HTRA4: variants seen among roughly 807,000 people sequenced by gnomAD.
HTRA4 encodes serine protease HTRA4.
In HTRA4, 46 loss-of-function variants were observed where a neutral mutation model predicts 49.1. The ratio of observed to expected loss-of-function variants is 0.94; its 90% CI spans 0.74 to 1.20. HTRA4 has a LOEUF of 1.20. Among genes scored for constraint, HTRA4 ranks in the 50% most tolerant of loss-of-function variants. HTRA4 has a pLI of 0.00. For synonymous variants in HTRA4, 261 were observed against 264.0 expected (o/e 0.99, Z 0.11); for missense variants, 602 against 636.9 (o/e 0.95, Z 0.59).
At chr8:38,975,157 C>G in intron 2 of HTRA4, 27 bp downstream of exon 2, 1 of 1,603,690 alleles carries the variant, frequency 6.2e-7, no homozygotes. Context: ...AAGACCTCCA[C>G]TGTCCCAGCT....
Position 38,976,518 on chromosome 8 carries a change from T to C in HTRA4, c.567-17T>C. 1 of 1,612,884 alleles carries C rather than the reference T, an allele frequency of 6.2e-7. No homozygotes were observed. Among genetic ancestry groups the C allele is most frequent in the South Asian group, 1.1e-5 (1 of 91,020 alleles). On this transcript the variant is annotated splice_polypyrimidine_tract_variant and intron_variant, in intron 2 of 8. Transcript: ENST00000302495. ...ACTTTCTTGCCCTCTGTTTACACTA[T>C]TGTCTTGTGGAGACAGGTTACTTCA...
chr8:38,980,938 T>C (rs950004795), intron 5 of HTRA4, among the ~76,000 whole-genome samples: 3 of 152,134 alleles, frequency 2.0e-5, no homozygotes, highest in African/African-American at 4.8e-5. Flanking sequence ...ACCTTTTCCA[T>C]GTTTATTTTT....
At chr8:38,979,144 G>C in intron 4 of HTRA4, 71 bp from the exon 5 acceptor site, 1 of 1,371,710 alleles carries the variant, frequency 7.3e-7, no homozygotes, top group Non-Finnish European at 1.0e-6. Flanking sequence ...TGTTTTGGGA[G>C]CTATGTGTAA....
chr8:38,988,297 A>T lies in HTRA4; in HGVS notation c.*199A>T. ...TGGTACATATACACCATGGAATACTATGCAGCCATAAAAAGCAACAGTCCT... is the reference window on the plus strand; with the variant it reads ...TGGTACATATACACCATGGAATACTTTGCAGCCATAAAAAGCAACAGTCCT... On this transcript the variant is annotated 3_prime_UTR_variant, in exon 9 of 9. Transcript: ENST00000302495. 2 of 458,868 alleles carry T rather than the reference A, an allele frequency of 4.4e-6. No individual in the cohort carries two copies. The highest frequency in any genetic ancestry group is 7.6e-6 in the Non-Finnish European group (2 of 263,098). 28.4% of individuals were successfully genotyped at this position (458,868 alleles called of 1,614,324 possible). A position where few individuals can be genotyped will look rare whatever the true frequency, so the allele number is the denominator to read the frequency against.
rs1307760394 is a variant in HTRA4, at chr8:38,974,442, C to T, written c.179C>T (p.Thr60Met). The T allele has an allele frequency of 5.2e-6, 8 of 1,543,362 alleles. No individual in the cohort carries two copies. The highest frequency in any genetic ancestry group is 7.0e-6 in the Non-Finnish European group (8 of 1,148,560). ...CTGCCCACCTGCGCGCTGGGGACCACGCCGGTGTTCGACCTGTGCCGCTGT... is the reference window on the plus strand; with the variant it reads ...CTGCCCACCTGCGCGCTGGGGACCATGCCGGTGTTCGACCTGTGCCGCTGT... ...PALPTCALGT[T>M]PVFDLCRCCR... The change falls in exon 1 of 9, where the codon ACG (threonine) becomes ATG (methionine). Residue 60 changes from threonine to methionine, a missense_variant. By Grantham distance (81) the Thr-to-Met change is moderately conservative. Transcript: ENST00000302495.
intron 2 of HTRA4, among the ~76,000 whole-genome samples, chr8:38,975,667 C>A (rs1427584570): frequency 6.6e-6 from 1 of 152,190 alleles, no homozygotes; most frequent in East Asian, 1.9e-4. Context: ...CCTTAGCCTC[C>A]CGACGTGCTG....
intron 5 of HTRA4, 21 bp downstream of exon 5, chr8:38,979,268 T>C (rs1317953869): frequency 1.2e-6 from 2 of 1,606,472 alleles, no homozygotes; most frequent in Admixed American, 1.7e-5. Flanking sequence ...ACTTTCCTTG[T>C]TGCTTCATGT....
rs906208491 is a variant in HTRA4, at chr8:38,982,276, T to C, written c.1115-222T>C. Among the ~76,000 whole-genome samples the C allele has an allele frequency of 2.6e-5, 4 of 152,012 alleles. No individual in the cohort carries two copies. In the South Asian group the frequency reaches 8.3e-4, roughly 32 times the overall value. On this transcript the variant is annotated intron_variant, in intron 6 of 8. Transcript: ENST00000302495. ...AAGCATGAGTTGTACCCAGAAGTATTTGGATTGAGCTAATGTGGAAATGAA... is the reference window on the plus strand; with the variant it reads ...AAGCATGAGTTGTACCCAGAAGTATCTGGATTGAGCTAATGTGGAAATGAA...
At chr8:38,982,652 C>A in intron 7 of HTRA4, 97 bp downstream of exon 7, 1 of 1,147,452 alleles carries the variant, frequency 8.7e-7, no homozygotes, top group Non-Finnish European at 1.3e-6. Context: ...GGACCACAGC[C>A]AGGTACTCTT....
At chr8:38,986,585 A>G (rs1310737509) in intron 8 of HTRA4, among the ~76,000 whole-genome samples, 1 of 152,212 alleles carries the variant, frequency 6.6e-6, no homozygotes, top group African/African-American at 2.4e-5. Context: ...AGTGTTTTAT[A>G]CACCTGTTTG....
intron 8 of HTRA4, among the ~76,000 whole-genome samples, chr8:38,984,411 G>A (rs1413305295): frequency 4.0e-5 from 6 of 151,004 alleles, no homozygotes; most frequent in African/African-American, 7.3e-5. Context: ...CTGAGAGTTC[G>A]AGACCAGCCT....
intron 3 of HTRA4, 60 bp downstream of exon 3, chr8:38,976,799 A>T: frequency 6.5e-7 from 1 of 1,529,242 alleles, no homozygotes; most frequent in Non-Finnish European, 9.0e-7. Flanking sequence ...CTATTTGCTG[A>T]TATTTTCTGC....
At chr8:38,983,231 G>C (rs1483766233) in intron 8 of HTRA4, among the ~76,000 whole-genome samples, 183 bp downstream of exon 8, 1 of 152,172 alleles carries the variant, frequency 6.6e-6, no homozygotes, top group African/African-American at 2.4e-5. Flanking sequence ...ATTAAAGTAA[G>C]TTTAATTTAA....
At chr8:38,983,809 C>CTT (rs11375454) in intron 8 of HTRA4, among the ~76,000 whole-genome samples, 3 of 151,496 alleles carry the variant, frequency 2.0e-5, no homozygotes, top group East Asian at 1.9e-4. Context: ...CTTATAAAGG[C>CTT]TTTTTTTGTA....
At chr8:38,982,852 T>A (rs1264206050) in intron 7 of HTRA4, 101 bp from the exon 8 acceptor site, 1 of 768,142 alleles carries the variant, frequency 1.3e-6, no homozygotes. Context: ...CCTCGGCCCT[T>A]GTGAACCTTG....
At chr8:38,979,309 T>C in intron 5 of HTRA4, 62 bp downstream of exon 5, 1 of 1,478,822 alleles carries the variant, frequency 6.8e-7, no homozygotes, top group Non-Finnish European at 9.4e-7. Flanking sequence ...CTTTATTAAT[T>C]CCAGGCCAGG....
chr8:38,975,164 A>G (rs201976344), intron 2 of HTRA4, 34 bp downstream of exon 2: 49 of 1,600,086 alleles, frequency 3.1e-5, no homozygotes, highest in Non-Finnish European at 3.8e-5. Flanking sequence ...CCACTGTCCC[A>G]GCTAATGGTT....
In HTRA4 at chr8:38,974,398, GC is replaced by G. The variant is rs1229880534; in HGVS notation, c.138del (p.Thr47ArgfsTer160). On this transcript the variant is annotated frameshift_variant, in exon 1 of 9. Coordinates refer to ENST00000302495, the MANE Select transcript of HTRA4 (RefSeq NM_153692.4). LOFTEE classifies it high-confidence loss of function. ...AGCCCTCCTGCCCCGCGGTCTGCCA[GC>G]CCACGCGCTGCCCCGCGCTGCCCAC... is the stretch of plus-strand genomic sequence containing the variant. ...TQPSCPAVCQPTRCPALPTCA... is the reference protein window; with the variant it reads ...TQPSCPAVCQXTRCPALPTCA... 1.3e-6 allele frequency: 2 copies of G among 1,564,710 alleles called. No homozygotes were observed. Among genetic ancestry groups the G allele is most frequent in the Admixed American group, 3.8e-5 (2 of 52,988 alleles).
Position 38,982,567 on chromosome 8 carries a change from T to C in HTRA4, c.1172+12T>C. On this transcript the variant is annotated intron_variant, in intron 7 of 8. Coordinates refer to ENST00000302495, the MANE Select transcript of HTRA4 (RefSeq NM_153692.4). ...TCCCTCACTGTGCCGTAAGCATGTG[T>C]TTGAATATGTCTGGGTTGTTTTTCA... 1 of 1,613,902 alleles carries C rather than the reference T, an allele frequency of 6.2e-7. No homozygotes were observed. The highest frequency in any genetic ancestry group is 8.5e-7 in the Non-Finnish European group (1 of 1,179,772).
Sources: gnomAD v4.1 joint callset for allele counts (sites outside exome capture counted in the v4.1 genomes callset) on GRCh38, gnomAD v4.1.1 for gene constraint, MANE v1.5 for transcripts, NCBI Gene and HGNC (gene_info 2026-07-23, HGNC 2026-07-21) for gene names.